ENTREP2: variants seen among roughly 807,000 people sequenced by gnomAD.
The protein encoded by ENTREP2 is endosomal transmembrane epsin interactor 2.
chr15:29,171,350 C>T, the ENTREP2 span, among the ~76,000 whole-genome samples: 5 of 152,150 alleles, frequency 3.3e-5, no homozygotes, highest in East Asian at 1.9e-4. Context: ...TTTCATATTT[C>T]GAGGAATGCA....
the ENTREP2 span, among the ~76,000 whole-genome samples, chr15:29,562,407 T>C: frequency 0.56 from 85,571 of 152,006 alleles, 24,216 homozygotes; most frequent in Non-Finnish European, 0.6. Flanking sequence ...AGCAACATCA[T>C]GTCCACAGCT....
chr15:29,444,656 G>A, the ENTREP2 span, among the ~76,000 whole-genome samples: 1 of 151,862 alleles, frequency 6.6e-6, no homozygotes, highest in African/African-American at 2.4e-5. Flanking sequence ...TAGTAGAGAC[G>A]GGGTTTCACC....
chr15:29,486,654 C>T, the ENTREP2 span, among the ~76,000 whole-genome samples: 3 of 152,146 alleles, frequency 2.0e-5, no homozygotes, highest in African/African-American at 4.8e-5. Flanking sequence ...TGTACATCTG[C>T]GCTCCAGCCT....
the ENTREP2 span, among the ~76,000 whole-genome samples, chr15:29,348,675 C>CACGATTTG: frequency 5.3e-5 from 8 of 152,238 alleles, no homozygotes; most frequent in African/African-American, 1.9e-4. Flanking sequence ...CAATGTGACC[C>CACGATTTG]GCGATTTGGC....
the ENTREP2 span, chr15:29,252,370 A>G: frequency 1.3e-6 from 2 of 1,545,384 alleles, no homozygotes; most frequent in Admixed American, 2.0e-5. Context: ...TTACTTACCA[A>G]CTGGCAGCCT....
the ENTREP2 span, among the ~76,000 whole-genome samples, chr15:29,615,140 C>T: frequency 1.3e-5 from 2 of 151,740 alleles, no homozygotes; most frequent in African/African-American, 2.4e-5. Context: ...CACTCCTCTT[C>T]TCTCACAAAT....
At chr15:29,203,326 C>T in the ENTREP2 span, among the ~76,000 whole-genome samples, 6 of 152,112 alleles carry the variant, frequency 3.9e-5, no homozygotes, top group Non-Finnish European at 7.4e-5. Flanking sequence ...GGCGTGAACC[C>T]GGGAGGCAGA....
the ENTREP2 span, among the ~76,000 whole-genome samples, chr15:29,403,706 G>A: frequency 6.6e-6 from 1 of 152,120 alleles, no homozygotes; most frequent in African/African-American, 2.4e-5. Context: ...TTCCCTAGAG[G>A]TGCCTCTGCC....
chr15:29,473,696 T>C, the ENTREP2 span, among the ~76,000 whole-genome samples: 2 of 152,340 alleles, frequency 1.3e-5, no homozygotes, highest in South Asian at 4.1e-4. Flanking sequence ...GTCTACTCTA[T>C]GTCACGTCAA....
At chr15:29,576,348 A>G in the ENTREP2 span, among the ~76,000 whole-genome samples, 1 of 152,240 alleles carries the variant, frequency 6.6e-6, no homozygotes, top group Non-Finnish European at 1.5e-5. Context: ...GGACCTAAAT[A>G]AAAGAGCAAA....
the ENTREP2 span, among the ~76,000 whole-genome samples, chr15:29,481,836 A>G: frequency 6.6e-6 from 1 of 152,046 alleles, no homozygotes; most frequent in Non-Finnish European, 1.5e-5. Context: ...ACTGCCAAAC[A>G]TGACGTTTTT....
the ENTREP2 span, chr15:29,136,393 C>T: frequency 4.4e-5 from 67 of 1,518,436 alleles, no homozygotes; most frequent in Middle Eastern, 1.7e-4. Context: ...GGCCCACCAC[C>T]GCCTCGTACG....
At chr15:29,169,411 A>G in the ENTREP2 span, among the ~76,000 whole-genome samples, 5,364 of 152,280 alleles carry the variant, frequency 0.035, 318 homozygotes, top group African/African-American at 0.12. Context: ...TAGAGATCCT[A>G]TTATAATAAA....
chr15:29,645,518 G>T, the ENTREP2 span, among the ~76,000 whole-genome samples: 12 of 152,004 alleles, frequency 7.9e-5, no homozygotes, highest in Admixed American at 7.9e-4. Flanking sequence ...GTTCATGGTG[G>T]GGAACCAGTC....
the ENTREP2 span, among the ~76,000 whole-genome samples, chr15:29,443,430 A>G: frequency 6.6e-6 from 1 of 152,146 alleles, no homozygotes; most frequent in Non-Finnish European, 1.5e-5. Flanking sequence ...GGGGATGAGT[A>G]CATTAGGAAA....
chr15:29,647,167 G>T, the ENTREP2 span, among the ~76,000 whole-genome samples: 1 of 152,172 alleles, frequency 6.6e-6, no homozygotes, highest in African/African-American at 2.4e-5. Flanking sequence ...TACTCTGGCT[G>T]GTACATTGCA....
the ENTREP2 span, among the ~76,000 whole-genome samples, chr15:29,127,692 C>G: frequency 0.6 from 90,754 of 152,048 alleles, 31,276 homozygotes; most frequent in Middle Eastern, 0.8. Flanking sequence ...GTTCACCGCC[C>G]AGGTCCCAGG....
chr15:29,665,865 T>C, the ENTREP2 span, among the ~76,000 whole-genome samples: 2 of 151,038 alleles, frequency 1.3e-5, no homozygotes, highest in Admixed American at 6.6e-5. Flanking sequence ...TTTTTTTTTT[T>C]TTTTTTGAGC....
At chr15:29,128,270 C>A in the ENTREP2 span, among the ~76,000 whole-genome samples, 363 of 152,274 alleles carry the variant, frequency 2.4e-3, no homozygotes, top group African/African-American at 8.3e-3. Context: ...CCACCTCCCC[C>A]GCCCCGGCTC....
Sources: allele counts gnomAD v4.1 joint callset (sites outside exome capture counted in the v4.1 genomes callset), GRCh38; gene constraint gnomAD v4.1.1; transcripts MANE v1.5; gene names NCBI Gene and HGNC (gene_info 2026-07-23, HGNC 2026-07-21).